Variants in PHKA2 observed in about 807,000 individuals in gnomAD.
The protein encoded by PHKA2 is phosphorylase b kinase regulatory subunit alpha, liver isoform.
Under a neutral mutation model 102.0 loss-of-function variants are expected in PHKA2, and 31 were observed. The ratio of observed to expected loss-of-function variants is 0.30; its 90% confidence interval spans 0.23 to 0.41. The LOEUF (loss-of-function observed/expected upper bound fraction) is 0.41. PHKA2 is among the 10% of genes least tolerant of loss of function. PHKA2 has a pLI of 1.00. For synonymous variants in PHKA2, 455 were observed against 416.2 expected (o/e 1.09, Z -1.13); for missense variants, 858 against 1,023.1 (o/e 0.84, Z 2.20).
intron 1 of PHKA2, among the ~76,000 whole-genome samples, chrX:18,971,361 C>G (rs1370187288): frequency 8.9e-6 from 1 of 112,144 alleles, no homozygotes; most frequent in Non-Finnish European, 1.9e-5. Context: ...CTCCTCTGCA[C>G]ATTGCTTGTT....
chrX:18,949,073 T>G (rs1183930150), intron 4 of PHKA2, among the ~76,000 whole-genome samples: 1 of 111,437 alleles, frequency 9.0e-6, no homozygotes, highest in Non-Finnish European at 1.9e-5. Context: ...TGTGTGTGCC[T>G]ATGAGTAGAA....
rs948325434 is a variant in PHKA2, at chrX:18,913,884, C to A, written c.2138-2924G>T. Among the ~76,000 whole-genome samples, 5 of 111,988 alleles carry A rather than the reference C, an allele frequency of 4.5e-5. No individual in the cohort carries two copies. In the Admixed American group the frequency reaches 4.8e-4, roughly 11 times the overall value. ...TGTCCCACTGGAAGGTCTTCAGGGGCAGTAATGTACATGGAGCTGTCATCT... is the reference window on the plus strand; with the variant it reads ...TGTCCCACTGGAAGGTCTTCAGGGGAAGTAATGTACATGGAGCTGTCATCT... On this transcript the variant is annotated intron_variant, in intron 19 of 32. Coordinates refer to ENST00000379942, the MANE Select transcript of PHKA2 (RefSeq NM_000292.3).
In PHKA2 at chrX:18,895,217, A is replaced by G. The variant is rs2047517785; in HGVS notation, c.3283-26T>C. ...CTGGAGGCAGAATAGAGCGCATTTC[A>G]GTCAGATTCCAGAATGGGATAAGCA... On this transcript the variant is annotated intron_variant, in intron 30 of 32. Transcript: ENST00000379942. The G allele has an allele frequency of 3.4e-6, 4 of 1,188,047 alleles. No homozygotes were observed. In the South Asian group the frequency reaches 7.1e-5, roughly 21 times the overall value.
chrX:18,922,712 A>G lies in PHKA2; in HGVS notation c.1793+1344T>C, dbSNP rs1028470268. On this transcript the variant is annotated intron_variant, in intron 17 of 32. Coordinates refer to ENST00000379942, the MANE Select transcript of PHKA2 (RefSeq NM_000292.3). Reference sequence around the variant, plus strand: ...GTTGCTAGGGGCGGGAGGAGGGGGAAGTAGAGTTGCTATTAATGGGTGTAC... The same window carrying G: ...GTTGCTAGGGGCGGGAGGAGGGGGAGGTAGAGTTGCTATTAATGGGTGTAC... 2.7e-5 allele frequency among the ~76,000 whole-genome samples: 3 copies of G among 111,623 alleles called. No individual in the cohort carries two copies. In the Admixed American group the frequency reaches 2.9e-4, roughly 11 times the overall value.
At chrX:18,951,669 A>ATGT (rs1412681756) in intron 3 of PHKA2, among the ~76,000 whole-genome samples, 1 of 111,697 alleles carries the variant, frequency 9.0e-6, no homozygotes, top group Non-Finnish European at 1.9e-5. Context: ...AAGAGCAACT[A>ATGT]TGTCTTTTCT....
intron 1 of PHKA2, among the ~76,000 whole-genome samples, chrX:18,969,915 GCTTT>G (rs2048997840): frequency 8.9e-6 from 1 of 112,347 alleles, no homozygotes; most frequent in Non-Finnish European, 1.9e-5. Context: ...TCTATAACTT[GCTTT>G]TTTTACTCGT....
chrX:18,931,665 G>T lies in PHKA2; in HGVS notation c.1221C>A (p.Tyr407Ter). The change falls in exon 12 of 33, where the codon TAC (tyrosine) becomes TAA (stop). Residue 407 changes from tyrosine (Y) to a stop codon, truncating the protein, a stop_gained. Coordinates refer to ENST00000379942, the MANE Select transcript of PHKA2 (RefSeq NM_000292.3). LOFTEE classifies it high-confidence loss of function. ...KVPHLWGQSL[Y>*]ILSSLLAEGF... ...CCTCTGCCAACAGCGAGCTGAGGAT[G>T]TACAAGGATTGGCCCCACAGATGAG... The T allele has an allele frequency of 8.3e-7, 1 of 1,203,594 alleles. No individual in the cohort carries two copies. The highest frequency in any genetic ancestry group is 1.1e-6 in the Non-Finnish European group (1 of 887,953).
At chrX:18,957,738 T>TTTTATATATATATATATATATATA (rs1556017565) in intron 1 of PHKA2, among the ~76,000 whole-genome samples, 31 of 95,122 alleles carry the variant, frequency 3.3e-4, no homozygotes, top group African/African-American at 1.3e-3. Flanking sequence ...TAAAACCAGA[T>TTTTATATATATATATATATATATA]TATATATATA....
At chrX:18,929,134 T>C (rs2048268079) in intron 13 of PHKA2, 94 bp downstream of exon 13, 5 of 636,571 alleles carry the variant, frequency 7.9e-6, no homozygotes, top group Non-Finnish European at 1.3e-5. Context: ...CATACACACT[T>C]TAAAAAAATT....
intron 11 of PHKA2, among the ~76,000 whole-genome samples, chrX:18,932,095 T>C (rs988431170): frequency 8.9e-6 from 1 of 112,407 alleles, no homozygotes; most frequent in Non-Finnish European, 1.9e-5. Context: ...GGTGAAATGA[T>C]GGAAAACATC....
chrX:18,901,348 A>G, intron 27 of PHKA2, 137 bp downstream of exon 27: 1 of 545,506 alleles, frequency 1.8e-6, no homozygotes, highest in East Asian at 3.3e-5. Context: ...GGGTGTGTTC[A>G]GATCCCAGAC....
Position 18,979,609 on chromosome X carries a change from T to G in PHKA2, c.78+4246A>C, listed in dbSNP as rs183424173. Among the ~76,000 whole-genome samples, 15 of 111,819 alleles carry G rather than the reference T, an allele frequency of 1.3e-4. 1 individual carries two copies. Among genetic ancestry groups the G allele is most frequent in the Non-Finnish European group, 2.8e-4 (15 of 53,192 alleles). ...AAAGATACTTCCTAGAGTATATATA[T>G]TTACAAAATCAAACCTGCAAAAGGA... On this transcript the variant is annotated intron_variant, in intron 1 of 32. Coordinates refer to ENST00000379942, the MANE Select transcript of PHKA2 (RefSeq NM_000292.3).
At chrX:18,979,980 C>A (rs889888584) in intron 1 of PHKA2, among the ~76,000 whole-genome samples, 26 of 110,937 alleles carry the variant, frequency 2.3e-4, no homozygotes, top group African/African-American at 8.7e-4. Flanking sequence ...GTACCCTGAA[C>A]AACTGTTTTG....
intron 19 of PHKA2, among the ~76,000 whole-genome samples, chrX:18,917,487 G>A (rs919614702): frequency 1.8e-5 from 2 of 110,032 alleles, no homozygotes; most frequent in African/African-American, 6.6e-5. Flanking sequence ...TCAAAGTCCT[G>A]GCCTCAAGTG....
intron 1 of PHKA2, among the ~76,000 whole-genome samples, chrX:18,964,665 G>A (rs1469455896): frequency 1.8e-5 from 2 of 112,336 alleles, no homozygotes; most frequent in Admixed American, 1.9e-4. Flanking sequence ...GTGGGGAAGA[G>A]CAATGCTTTA....
intron 1 of PHKA2, among the ~76,000 whole-genome samples, chrX:18,966,449 C>A (rs960631433): frequency 9.0e-6 from 1 of 111,571 alleles, no homozygotes; most frequent in African/African-American, 3.3e-5. Flanking sequence ...TCTTTTTGAT[C>A]CCTGCAAAGC....
chrX:18,905,558 C>T (rs1211224077), intron 26 of PHKA2, among the ~76,000 whole-genome samples, 200 bp downstream of exon 26: 1 of 111,378 alleles, frequency 9.0e-6, no homozygotes, highest in African/African-American at 3.3e-5. Flanking sequence ...CCAACCTGGG[C>T]AAGAAAAGCT....
At position 18,948,997 on chromosome X, in the gene PHKA2, G is replaced by C. The variant is rs980446136; in HGVS notation, c.455-171C>G. ...GCATAACAGTGAGTGTCTAATCTCC[G>C]AAAAGAGGGAAGGAAGGAGGGAAGG... On this transcript the variant is annotated intron_variant, in intron 4 of 32. Coordinates refer to ENST00000379942, the MANE Select transcript of PHKA2 (RefSeq NM_000292.3). Among the ~76,000 whole-genome samples the C allele has an allele frequency of 2.7e-5, 3 of 111,501 alleles. No homozygotes were observed. The Admixed American group carries it at 2.9e-4, about 11-fold the overall frequency.
At chrX:18,961,264 C>T (rs1192810135) in intron 1 of PHKA2, among the ~76,000 whole-genome samples, 1 of 112,207 alleles carries the variant, frequency 8.9e-6, no homozygotes, top group African/African-American at 3.2e-5. Flanking sequence ...TACTGATTTA[C>T]AGTCTGAAAT....
Sources: allele counts gnomAD v4.1 joint callset (sites outside exome capture counted in the v4.1 genomes callset), GRCh38; gene constraint gnomAD v4.1.1; transcripts MANE v1.5; gene names NCBI Gene and HGNC (gene_info 2026-07-23, HGNC 2026-07-21).